PCDHA3: variants seen among roughly 807,000 people sequenced by gnomAD.
PCDHA3 encodes the protein protocadherin alpha-3.
Under a neutral mutation model 62.2 loss-of-function variants are expected in PCDHA3, and 41 were observed. That is an observed-to-expected ratio of 0.66 (90% CI 0.51 to 0.86). The LOEUF (loss-of-function observed/expected upper bound fraction) is 0.86, where lower values mean the gene tolerates loss of function less well. Ranked by LOEUF, PCDHA3 falls within the 40% of genes least tolerant of loss-of-function variation. The pLI is 0.00. For missense variants in PCDHA3, 1,304 were observed against 1,241.2 expected (o/e 1.05, Z -0.76); for synonymous variants, 640 against 555.4 (o/e 1.15, Z -2.14).
chr5:140,823,812 G>T (rs2150129324), intron 1 of PCDHA3: 1 of 1,613,764 alleles, frequency 6.2e-7, no homozygotes, highest in Non-Finnish European at 8.5e-7. Context: ...AGGCCTCATC[G>T]CGGGCGTCGG....
chr5:140,926,705 G>A (rs1269250825), intron 1 of PCDHA3: 2 of 849,690 alleles, frequency 2.4e-6, no homozygotes, highest in Non-Finnish European at 3.3e-6. Context: ...GCTCCCAGCT[G>A]GCCAGCCCCG....
intron 1 of PCDHA3, among the ~76,000 whole-genome samples, chr5:140,901,870 TTTC>T (rs2068953949): frequency 6.6e-6 from 1 of 152,202 alleles, no homozygotes. Flanking sequence ...TCCTCTTCAA[TTTC>T]TTTCATCAGC....
intron 1 of PCDHA3, among the ~76,000 whole-genome samples, chr5:140,936,282 T>C (rs781971653): frequency 6.6e-6 from 1 of 152,250 alleles, no homozygotes; most frequent in Non-Finnish European, 1.5e-5. Context: ...CTGTGTTTTC[T>C]TCTATAACAT....
rs1762653723 is a variant in PCDHA3, at chr5:140,801,208, C to T, written c.11C>T (p.Ser4Phe). The T allele has an allele frequency of 6.2e-7, 1 of 1,604,024 alleles. No individual in the cohort carries two copies. Among genetic ancestry groups the T allele is most frequent in the Non-Finnish European group, 8.5e-7 (1 of 1,174,440 alleles). Residue 4 changes from serine (S) to phenylalanine (F), a missense_variant, in exon 1 of 4, where the codon TCC (serine) becomes TTC (phenylalanine). By Grantham distance (155) the Ser-to-Phe change is radical. Transcript: ENST00000522353. Reference sequence around the variant, plus strand: ...TGGAAAATACTTGCAATGTTGTTCTCCTGGCGAGAAGATCCTGGAGCCCAG... The same window carrying T: ...TGGAAAATACTTGCAATGTTGTTCTTCTGGCGAGAAGATCCTGGAGCCCAG... MLF[S>F]WREDPGAQCL...
intron 1 of PCDHA3, chr5:140,849,752 C>G (rs2041099569): frequency 3.1e-6 from 5 of 1,598,274 alleles, no homozygotes; most frequent in Admixed American, 3.4e-5. Context: ...AGAGTGTGTC[C>G]GCCTACGAGC....
chr5:140,863,783 G>C, intron 1 of PCDHA3: 1 of 226,522 alleles, frequency 4.4e-6, no homozygotes, highest in Non-Finnish European at 8.8e-6. Context: ...CGGATCACTC[G>C]AGGCCAGGAG....
intron 1 of PCDHA3, among the ~76,000 whole-genome samples, chr5:140,872,884 T>C (rs1057197501): frequency 2.6e-5 from 4 of 152,238 alleles, no homozygotes; most frequent in Non-Finnish European, 4.4e-5. Flanking sequence ...GTTTCATTCA[T>C]CTCACTTTGT....
chr5:140,941,403 G>A lies in PCDHA3; in HGVS notation c.2395-37546G>A, dbSNP rs527986544. Among the ~76,000 whole-genome samples, 769 of 142,382 alleles carry A rather than the reference G, an allele frequency of 5.4e-3. 3 individuals carry two copies. The highest frequency in any genetic ancestry group is 0.019 in the African/African-American group (737 of 38,338). The allele number at this position is 142,382 out of a possible 152,430, so 93.4% of individuals were successfully genotyped here. On this transcript the variant is annotated intron_variant, in intron 1 of 3. Coordinates refer to ENST00000522353, the MANE Select transcript of PCDHA3 (RefSeq NM_018906.3). ...AGGATTTTGGCTCACTGCAACCTCC[G>A]CCTCCCGGGTTCAAGCAATTCTCTG...
rs1453798087 is a variant in PCDHA3 at position 140,849,691 on chromosome 5, C to T, written c.2394+46100C>T. Reference sequence around the variant, plus strand: ...CCCCACGTCCCCTTCAAGCTGGTGTCCACCTACAAGAATTACTACTCGTTG... The same window carrying T: ...CCCCACGTCCCCTTCAAGCTGGTGTTCACCTACAAGAATTACTACTCGTTG... On this transcript the variant is annotated intron_variant, in intron 1 of 3. Transcript: ENST00000522353. 1.3e-6 allele frequency: 2 copies of T among 1,598,536 alleles called. No individual in the cohort carries two copies. The highest frequency in any genetic ancestry group is 2.2e-5 in the South Asian group (2 of 90,552).
intron 1 of PCDHA3, among the ~76,000 whole-genome samples, chr5:140,907,242 T>A (rs532344223): frequency 6.6e-6 from 1 of 152,328 alleles, no homozygotes; most frequent in African/African-American, 2.4e-5. Flanking sequence ...TAGTTGACAT[T>A]GTAATTGTGA....
chr5:140,871,326 C>T (rs2052980774), intron 1 of PCDHA3: 1 of 1,613,978 alleles, frequency 6.2e-7, no homozygotes, highest in African/African-American at 1.3e-5. Context: ...TGGTGTGCTC[C>T]CGCGCGGTGG....
At chr5:140,835,382 T>C (rs2150234724) in intron 1 of PCDHA3, 2 of 1,613,964 alleles carry the variant, frequency 1.2e-6, no homozygotes, top group East Asian at 4.5e-5. Context: ...TGGCTGGTCA[T>C]TGTACAGTTC....
chr5:141,000,385 CTCTCTCTCTCTA>C (rs1405113604), intron 3 of PCDHA3, among the ~76,000 whole-genome samples: 12 of 64,976 alleles, frequency 1.8e-4, no homozygotes, highest in Admixed American at 6.0e-4. Context: ...CTCTCTCTCT[CTCTCTCTCTCTA>C]TATATATATA....
intron 1 of PCDHA3, chr5:140,850,409 C>G: frequency 6.3e-7 from 1 of 1,597,868 alleles, no homozygotes; most frequent in South Asian, 1.1e-5. Flanking sequence ...GTGCCCTGGA[C>G]GAAACGGACG....
chr5:140,868,170 A>G (rs926308746), intron 1 of PCDHA3: 1 of 152,132 alleles, frequency 6.6e-6, no homozygotes, highest in Non-Finnish European at 1.5e-5. Flanking sequence ...CTAAATTTTG[A>G]TATCTCATAT....
At chr5:140,884,003 G>T (rs781845787) in intron 1 of PCDHA3, 2 of 1,612,968 alleles carry the variant, frequency 1.2e-6, no homozygotes, top group Non-Finnish European at 8.5e-7. Flanking sequence ...CACAGTGAGC[G>T]AGCTGATGCC....
At chr5:140,809,609 T>G in intron 1 of PCDHA3, 2 of 1,521,434 alleles carry the variant, frequency 1.3e-6, no homozygotes, top group Non-Finnish European at 1.8e-6. Flanking sequence ...ATTTTCGTAT[T>G]GTTTTTCTCT....
chr5:140,827,425 A>G (rs2150147472), intron 1 of PCDHA3, among the ~76,000 whole-genome samples: 1 of 152,380 alleles, frequency 6.6e-6, no homozygotes, highest in East Asian at 1.9e-4. Context: ...CTAGAATTTT[A>G]TCTTCCATCA....
intron 1 of PCDHA3, among the ~76,000 whole-genome samples, chr5:140,948,168 T>G (rs1217978838): frequency 6.6e-6 from 1 of 151,636 alleles, no homozygotes; most frequent in Non-Finnish European, 1.5e-5. Flanking sequence ...AACCTTCCAT[T>G]CCTAGGGTAA....
Sources: allele counts gnomAD v4.1 joint callset (sites outside exome capture counted in the v4.1 genomes callset), GRCh38; gene constraint gnomAD v4.1.1; transcripts MANE v1.5; gene names NCBI Gene and HGNC (gene_info 2026-07-23, HGNC 2026-07-21).